The following OR2L13 variants were observed in gnomAD, a reference collection of about 807,000 sequenced individuals.
OR2L13 encodes the protein olfactory receptor family 2 subfamily L member 13.
In OR2L13, 14 loss-of-function variants were observed where a neutral mutation model predicts 15.3. The observed-to-expected ratio is 0.91, with a 90% CI of 0.60 to 1.43. The LOEUF (loss-of-function observed/expected upper bound fraction) is 1.43, where lower values mean the gene tolerates loss of function less well. OR2L13 is among the 40% of genes most tolerant of loss of function. The pLI, the probability that OR2L13 is intolerant of heterozygous loss-of-function variation, is 0.00. For synonymous variants in OR2L13, 152 were observed against 142.9 expected (o/e 1.06, Z -0.45); for missense variants, 367 against 387.9 (o/e 0.95, Z 0.45).
the OR2L13 span, chr1:248,060,962 C>T: frequency 3.1e-6 from 5 of 1,614,042 alleles, no homozygotes; most frequent in East Asian, 2.2e-5. Flanking sequence ...ATCTCCTTCA[C>T]TGGGTGTGGG....
At chr1:247,992,795 GA>G in the OR2L13 span, among the ~76,000 whole-genome samples, 1 of 145,168 alleles carries the variant, frequency 6.9e-6, no homozygotes, top group Non-Finnish European at 1.5e-5. Context: ...CACCTAGGTT[GA>G]TTGTAGGTCT....
the OR2L13 span, among the ~76,000 whole-genome samples, chr1:248,012,826 T>C: frequency 4.6e-5 from 7 of 152,062 alleles, no homozygotes; most frequent in African/African-American, 1.7e-4. Flanking sequence ...ATTAAAAACA[T>C]TTAAACATTT....
chr1:247,990,291 A>G, the OR2L13 span: 1 of 1,022,542 alleles, frequency 9.8e-7, no homozygotes, highest in Non-Finnish European at 1.5e-6. Flanking sequence ...TCAAACATCA[A>G]CTGCTTTCAT....
At chr1:247,987,165 A>G in the OR2L13 span, among the ~76,000 whole-genome samples, 57 of 152,250 alleles carry the variant, frequency 3.7e-4, no homozygotes, top group African/African-American at 1.3e-3. Context: ...GTCACATTCA[A>G]TGGGTCACAG....
At chr1:247,979,988 C>T in the OR2L13 span, among the ~76,000 whole-genome samples, 1 of 152,102 alleles carries the variant, frequency 6.6e-6, no homozygotes, top group Non-Finnish European at 1.5e-5. Flanking sequence ...CCCATAAATT[C>T]ATACAATAAC....
chr1:248,067,713 C>A, the OR2L13 span, among the ~76,000 whole-genome samples: 2 of 152,214 alleles, frequency 1.3e-5, no homozygotes, highest in Non-Finnish European at 2.9e-5. Flanking sequence ...TCAGGAAGCA[C>A]AAGGGGTCAG....
the OR2L13 span, among the ~76,000 whole-genome samples, chr1:247,938,000 G>A: frequency 0.023 from 3,476 of 152,116 alleles, 56 homozygotes; most frequent in East Asian, 0.036. Context: ...ATGAAATATG[G>A]TACAAACATT....
the OR2L13 span, among the ~76,000 whole-genome samples, chr1:248,037,506 G>C: frequency 6.6e-6 from 1 of 152,108 alleles, no homozygotes; most frequent in Non-Finnish European, 1.5e-5. Context: ...TTTTGAAGTT[G>C]TAAGACAAAT....
At chr1:247,951,775 G>C in the OR2L13 span, among the ~76,000 whole-genome samples, 7 of 152,330 alleles carry the variant, frequency 4.6e-5, no homozygotes, top group African/African-American at 1.7e-4. Context: ...CTCTGGGACA[G>C]AGGGAAAATA....
At chr1:248,034,346 C>A in the OR2L13 span, among the ~76,000 whole-genome samples, 1 of 151,974 alleles carries the variant, frequency 6.6e-6, no homozygotes, top group African/African-American at 2.4e-5. Flanking sequence ...CAAAGCAAGA[C>A]TAAGTGAAAA....
At chr1:247,986,376 C>T in the OR2L13 span, among the ~76,000 whole-genome samples, 63 of 152,274 alleles carry the variant, frequency 4.1e-4, no homozygotes, top group African/African-American at 1.4e-3. Flanking sequence ...GGAATCCTTT[C>T]CCCATTGCTT....
At chr1:248,071,660 T>G in the OR2L13 span, among the ~76,000 whole-genome samples, 2 of 151,802 alleles carry the variant, frequency 1.3e-5, no homozygotes, top group African/African-American at 4.8e-5. Context: ...TAAAGGGTAT[T>G]CAATTAGGAA....
the OR2L13 span, among the ~76,000 whole-genome samples, chr1:247,951,270 G>A: frequency 6.6e-6 from 1 of 151,892 alleles, no homozygotes; most frequent in Non-Finnish European, 1.5e-5. Context: ...GCTGTTTGGG[G>A]TCTTTCATAG....
the OR2L13 span, among the ~76,000 whole-genome samples, chr1:248,085,906 C>T: frequency 2.0e-5 from 3 of 152,094 alleles, no homozygotes; most frequent in Admixed American, 1.3e-4. Context: ...CCTAATGCTG[C>T]TGCTGATCTG....
chr1:247,993,571 T>G, the OR2L13 span, among the ~76,000 whole-genome samples: 3 of 152,106 alleles, frequency 2.0e-5, no homozygotes, highest in Non-Finnish European at 2.9e-5. Flanking sequence ...GCCCCTCATT[T>G]ATTTATTTAC....
At chr1:247,938,374 C>T in the OR2L13 span, among the ~76,000 whole-genome samples, 2 of 152,032 alleles carry the variant, frequency 1.3e-5, no homozygotes, top group South Asian at 2.1e-4. Flanking sequence ...ATAATAATAC[C>T]TAATGTGGAC....
chr1:248,027,380 C>T, the OR2L13 span, among the ~76,000 whole-genome samples: 8 of 152,308 alleles, frequency 5.3e-5, no homozygotes, highest in South Asian at 2.1e-4. Flanking sequence ...CCCGTGATCT[C>T]GCCCTGCCTC....
chr1:248,069,803 A>G, the OR2L13 span, among the ~76,000 whole-genome samples: 1 of 152,144 alleles, frequency 6.6e-6, no homozygotes. Flanking sequence ...ATGGAAAACA[A>G]AAAAAGGCAG....
the OR2L13 span, among the ~76,000 whole-genome samples, chr1:248,000,399 A>G: frequency 3.9e-5 from 6 of 152,128 alleles, no homozygotes; most frequent in African/African-American, 1.4e-4. Context: ...CTTCCTTGTG[A>G]TAAGTAGACT....
Sources: allele counts gnomAD v4.1 joint callset (sites outside exome capture counted in the v4.1 genomes callset), GRCh38; gene constraint gnomAD v4.1.1; transcripts MANE v1.5; gene names NCBI Gene and HGNC (gene_info 2026-07-23, HGNC 2026-07-21).